CAPN13: variants seen among roughly 807,000 people sequenced by gnomAD.
The protein encoded by CAPN13 is calpain-13.
A neutral mutation model predicts 98.4 loss-of-function variants in CAPN13; 90 were observed. The ratio of observed to expected loss-of-function variants is 0.92; its 90% CI spans 0.77 to 1.09. The LOEUF is 1.09. CAPN13 is among the 50% of genes least tolerant of loss of function. The pLI is 0.00. For missense variants in CAPN13, 887 were observed against 841.3 expected, an observed-to-expected ratio of 1.05 and a Z score of -0.67; for synonymous variants, 330 against 305.5, an observed-to-expected ratio of 1.08 and a Z score of -0.84.
intron 5 of CAPN13, among the ~76,000 whole-genome samples, chr2:30,766,254 T>C (rs888793452): frequency 6.6e-6 from 1 of 152,324 alleles, no homozygotes; most frequent in Admixed American, 6.5e-5. Flanking sequence ...CTCTGTCACT[T>C]CACTGTCTCA....
intron 6 of CAPN13, 146 bp from the exon 7 acceptor site, chr2:30,763,302 C>A: frequency 1.5e-6 from 1 of 675,326 alleles, no homozygotes; most frequent in South Asian, 1.9e-5. Flanking sequence ...TTTTCTAGAG[C>A]AGCAGAGTTG....
At chr2:30,738,134 T>G (rs1001304512) in intron 17 of CAPN13, 101 bp downstream of exon 17, 15 of 1,218,980 alleles carry the variant, frequency 1.2e-5, no homozygotes, top group African/African-American at 1.5e-5. Context: ...GAGAAAATAC[T>G]GAGTGGGAAA....
intron 8 of CAPN13, among the ~76,000 whole-genome samples, chr2:30,757,046 C>T (rs912893384): frequency 2.6e-5 from 4 of 152,172 alleles, no homozygotes; most frequent in Non-Finnish European, 4.4e-5. Context: ...CAGAAAGCAC[C>T]GTCCTCACTG....
intron 1 of CAPN13, among the ~76,000 whole-genome samples, chr2:30,795,256 G>A (rs1425506866): frequency 1.3e-5 from 2 of 151,994 alleles, no homozygotes; most frequent in Non-Finnish European, 2.9e-5. Context: ...TGATAAACAT[G>A]CAAGAGTTTC....
chr2:30,802,909 G>A (rs1675374144), intron 1 of CAPN13, among the ~76,000 whole-genome samples: 1 of 152,206 alleles, frequency 6.6e-6, no homozygotes, highest in East Asian at 1.9e-4. Flanking sequence ...AGGTGACCTG[G>A]CTGAGGAAGA....
Position 30,743,557 on chromosome 2 carries a change from G to A in CAPN13, c.1271C>T (p.Pro424Leu). ...GTTTCTGAACGAGGAAAAAAACACG[G>A]GTGGAAATTTCTCCCGGAACCGCTG... Reference protein sequence around the residue: ...GSQRFREKFPPVFFSSFRNTV... With the variant: ...GSQRFREKFPLVFFSSFRNTV... The change falls in exon 13 of 23, where the codon CCC becomes CTC. Residue 424 changes from proline to leucine, a missense_variant. By Grantham distance (98) the Pro-to-Leu change is moderately conservative. Coordinates refer to ENST00000295055, the MANE Select transcript of CAPN13 (RefSeq NM_144575.3). The A allele has an allele frequency of 1.9e-6, 3 of 1,613,876 alleles. No homozygotes were observed. The highest frequency in any genetic ancestry group is 1.7e-5 in the Admixed American group (1 of 60,004).
At chr2:30,794,074 TTCA>T (rs375083299) in intron 1 of CAPN13, among the ~76,000 whole-genome samples, 2 of 151,336 alleles carry the variant, frequency 1.3e-5, no homozygotes, top group African/African-American at 4.8e-5. Context: ...TAAATTAGAC[TTCA>T]TCAAAGTTTA....
At chr2:30,763,045 C>A in intron 7 of CAPN13, 37 bp downstream of exon 7, 1 of 1,550,876 alleles carries the variant, frequency 6.4e-7, no homozygotes, top group Non-Finnish European at 8.8e-7. Flanking sequence ...GGGGCAGAGG[C>A]CAGGGGAGAG....
intron 8 of CAPN13, among the ~76,000 whole-genome samples, chr2:30,754,611 G>T (rs10210667): frequency 0.17 from 25,645 of 152,014 alleles, 2,322 homozygotes; most frequent in Non-Finnish European, 0.19. Flanking sequence ...ACATTTCCAA[G>T]AGAGTCCCAT....
intron 12 of CAPN13, among the ~76,000 whole-genome samples, chr2:30,745,453 C>T (rs773922609): frequency 2.6e-4 from 40 of 152,194 alleles, no homozygotes; most frequent in Non-Finnish European, 8.8e-5. Context: ...CATCAATCTT[C>T]TCTATCAGAG....
chr2:30,764,402 AG>A, intron 5 of CAPN13, 96 bp from the exon 6 acceptor site: 1 of 1,375,120 alleles, frequency 7.3e-7, no homozygotes. Flanking sequence ...TTCCCAGGTA[AG>A]GGGCTGCCTG....
At chr2:30,770,591 G>T in intron 4 of CAPN13, 142 bp from the exon 5 acceptor site, 2 of 1,030,464 alleles carry the variant, frequency 1.9e-6, no homozygotes, top group South Asian at 3.6e-5. Flanking sequence ...AGCCCAGGTT[G>T]CCAGGCAGGA....
At chr2:30,770,184 G>C in intron 5 of CAPN13, 129 bp downstream of exon 5, 2 of 1,250,954 alleles carry the variant, frequency 1.6e-6, no homozygotes, top group Non-Finnish European at 2.2e-6. Context: ...CTTTGCACGT[G>C]GTGATTGTTT....
At chr2:30,745,527 T>G (rs1389926285) in intron 12 of CAPN13, among the ~76,000 whole-genome samples, 196 bp downstream of exon 12, 1 of 152,194 alleles carries the variant, frequency 6.6e-6, no homozygotes, top group African/African-American at 2.4e-5. Flanking sequence ...GGGTCGAAGC[T>G]TCAGACCAGG....
intron 4 of CAPN13, among the ~76,000 whole-genome samples, chr2:30,772,283 C>A (rs1360278706): frequency 6.6e-6 from 1 of 152,182 alleles, no homozygotes; most frequent in Non-Finnish European, 1.5e-5. Flanking sequence ...TTTGCCAACA[C>A]CCAGTTGTCT....
chr2:30,756,950 C>A (rs1190586437), intron 8 of CAPN13, among the ~76,000 whole-genome samples: 1 of 152,196 alleles, frequency 6.6e-6, no homozygotes, highest in South Asian at 2.1e-4. Context: ...CCCAGGGGTG[C>A]CAAGGTCATG....
chr2:30,738,876 GT>G (rs36017474), intron 15 of CAPN13, among the ~76,000 whole-genome samples: 45,112 of 150,704 alleles, frequency 0.3, 7,044 homozygotes, highest in Non-Finnish European at 0.34. Flanking sequence ...ATGTGTGTGT[GT>G]TGTGTGTATG....
chr2:30,776,139 A>G (rs1367328916), intron 3 of CAPN13, 94 bp from the exon 4 acceptor site: 7 of 720,900 alleles, frequency 9.7e-6, no homozygotes, highest in Non-Finnish European at 1.6e-5. Flanking sequence ...AGGCTACACA[A>G]TTCCTTCTAA....
intron 22 of CAPN13, among the ~76,000 whole-genome samples, chr2:30,728,439 G>A (rs1039354328): frequency 1.3e-5 from 2 of 151,642 alleles, no homozygotes; most frequent in African/African-American, 4.8e-5. Context: ...CATAATATGG[G>A]AACCCAACTG....
Sources: gnomAD v4.1 joint callset for allele counts (sites outside exome capture counted in the v4.1 genomes callset) on GRCh38, gnomAD v4.1.1 for gene constraint, MANE v1.5 for transcripts, NCBI Gene and HGNC (gene_info 2026-07-23, HGNC 2026-07-21) for gene names.